The following AGPAT3 variants were observed in gnomAD, a reference collection of about 807,000 sequenced individuals.
AGPAT3 encodes the protein 1-acylglycerol-3-phosphate O-acyltransferase 3.
Under a neutral mutation model 47.3 loss-of-function variants are expected in AGPAT3, and 5 were observed. That is an observed-to-expected ratio of 0.11 (90% CI 0.06 to 0.22). The LOEUF (loss-of-function observed/expected upper bound fraction) is 0.22, where lower values mean the gene tolerates loss of function less well. Ranked by LOEUF, AGPAT3 falls within the 10% of genes least tolerant of loss-of-function variation. The pLI, the probability that AGPAT3 is intolerant of heterozygous loss-of-function variation, is 1.00. For missense variants in AGPAT3, 315 were observed against 493.0 expected (o/e 0.64, Z 3.42); for synonymous variants, 212 against 208.3 (o/e 1.02, Z -0.15).
chr21:43,944,978 G>T (rs535854463), intron 2 of AGPAT3, among the ~76,000 whole-genome samples: 2 of 152,344 alleles, frequency 1.3e-5, no homozygotes, highest in Non-Finnish European at 2.9e-5. Flanking sequence ...AGGGTCCCTC[G>T]GGGTCTACCA....
At chr21:43,907,731 CA>C (rs1220229305) in intron 2 of AGPAT3, among the ~76,000 whole-genome samples, 1 of 152,052 alleles carries the variant, frequency 6.6e-6, no homozygotes. Context: ...ACAACAACAA[CA>C]AAAAAACCGT....
chr21:43,936,371 G>T (rs2087446985), intron 2 of AGPAT3, among the ~76,000 whole-genome samples: 1 of 152,260 alleles, frequency 6.6e-6, no homozygotes, highest in South Asian at 2.1e-4. Flanking sequence ...GGGTGCACCT[G>T]CAGCGTTCGT....
At chr21:43,904,627 G>A (rs1294393123) in intron 2 of AGPAT3, among the ~76,000 whole-genome samples, 3 of 152,194 alleles carry the variant, frequency 2.0e-5, no homozygotes, top group African/African-American at 4.8e-5. Flanking sequence ...TTGCCTGGCC[G>A]TTGAGTCACT....
chr21:43,972,905 G>A (rs770049418), intron 7 of AGPAT3, among the ~76,000 whole-genome samples: 2 of 152,198 alleles, frequency 1.3e-5, no homozygotes, highest in African/African-American at 2.4e-5. Context: ...TGCACAGAGC[G>A]GTCACTATAT....
intron 7 of AGPAT3, among the ~76,000 whole-genome samples, chr21:43,975,723 GT>G (rs1040744402): frequency 5.3e-5 from 8 of 152,106 alleles, no homozygotes; most frequent in Admixed American, 1.3e-4. Flanking sequence ...TTAATTTTGG[GT>G]TTTTTTTGTT....
chr21:43,947,788 C>T (rs546432449), intron 2 of AGPAT3, among the ~76,000 whole-genome samples: 3 of 150,956 alleles, frequency 2.0e-5, no homozygotes, highest in Admixed American at 6.6e-5. Context: ...GGATTATAGG[C>T]GCCTGCCACC....
chr21:43,961,527 T>C (rs2088847882), intron 3 of AGPAT3, among the ~76,000 whole-genome samples: 1 of 121,268 alleles, frequency 8.2e-6, no homozygotes, highest in Non-Finnish European at 1.8e-5. Context: ...TGGGAAACGG[T>C]GAGCGCGTAT....
intron 3 of AGPAT3, among the ~76,000 whole-genome samples, chr21:43,962,895 C>CCCACTGTGCCCCGAGAT (rs1049477011): frequency 4.1e-4 from 62 of 152,132 alleles, no homozygotes; most frequent in African/African-American, 1.5e-3. Flanking sequence ...CTGAAGATGA[C>CCCACTGTGCCCCGAGAT]CCACTGTGCC....
chr21:43,875,026 G>C (rs2085703388), intron 1 of AGPAT3, among the ~76,000 whole-genome samples: 1 of 152,136 alleles, frequency 6.6e-6, no homozygotes, highest in South Asian at 2.1e-4. Context: ...AGTCGCCCAA[G>C]CTGGAGTGCA....
At position 43,930,262 on chromosome 21, in the gene AGPAT3, G is replaced by A. The variant is rs1208407330; in HGVS notation, c.-49+26243G>A. Among the ~76,000 whole-genome samples the A allele has an allele frequency of 6.6e-6, 1 of 152,148 alleles. No individual in the cohort carries two copies. Among genetic ancestry groups the A allele is most frequent in the African/African-American group, 2.4e-5 (1 of 41,438 alleles). On this transcript the variant is annotated intron_variant, in intron 2 of 9. Coordinates refer to ENST00000291572, the MANE Select transcript of AGPAT3 (RefSeq NM_020132.5). The surrounding 1 kb of genome is among the most constrained non-coding windows in gnomAD (Gnocchi z 5.0). ...CAGGGCAGAGACGCCGCACGGTGGG[G>A]TAGGGGGCTCTGGTGCCAATACCAA...
Position 43,970,903 on chromosome 21 carries a change from C to A in AGPAT3, c.664+97C>A. 1 of 1,326,312 alleles carries A rather than the reference C, an allele frequency of 7.5e-7. No individual in the cohort carries two copies. Among genetic ancestry groups the A allele is most frequent in the Non-Finnish European group, 9.8e-7 (1 of 1,019,882 alleles). The allele number at this position is 1,326,312 out of a possible 1,614,324, so 82.2% of individuals were successfully genotyped here. ...AAAAATGAGTGCATTCCATGTGAAACACAGAAGAACAGAAGTGCAAAAGGA... is the reference window on the plus strand; with the variant it reads ...AAAAATGAGTGCATTCCATGTGAAAAACAGAAGAACAGAAGTGCAAAAGGA... On this transcript the variant is annotated intron_variant, in intron 6 of 9. Transcript: ENST00000291572. The surrounding 1 kb of genome is among the most constrained non-coding windows in gnomAD (Gnocchi z 5.8).
intron 1 of AGPAT3, among the ~76,000 whole-genome samples, chr21:43,874,232 G>T (rs371127975): frequency 6.6e-6 from 1 of 152,006 alleles, no homozygotes; most frequent in African/African-American, 2.4e-5. Context: ...CACCATGTTG[G>T]CCAGGCTGGT....
In AGPAT3 at chr21:43,908,557, G is replaced by A. The variant is rs77506810; in HGVS notation, c.-49+4538G>A. On this transcript the variant is annotated intron_variant, in intron 2 of 9. Transcript: ENST00000291572. This position sits in a 1 kb window ranked among gnomAD's most constrained non-coding sequence, Gnocchi z 4.9. ...CAGCTCTTGCATAGACAGAAGGTGA[G>A]GGCATGGGGTAGGGGGAGTGGAGCC... 8.9e-3 allele frequency among the ~76,000 whole-genome samples: 1,353 copies of A among 152,310 alleles called. 25 individuals carry two copies. The highest frequency in any genetic ancestry group is 0.031 in the African/African-American group (1,274 of 41,554).
At chr21:43,975,887 C>A (rs897038999) in intron 7 of AGPAT3, among the ~76,000 whole-genome samples, 1 of 152,082 alleles carries the variant, frequency 6.6e-6, no homozygotes, top group Non-Finnish European at 1.5e-5. Flanking sequence ...GATTCTCTGA[C>A]GGCCGTCGCA....
At chr21:43,978,182 C>A in intron 8 of AGPAT3, 61 bp downstream of exon 8, 2 of 1,498,060 alleles carry the variant, frequency 1.3e-6, no homozygotes, top group Non-Finnish European at 1.8e-6. Flanking sequence ...GGAAGGGGTG[C>A]TGGCGAGCAG....
chr21:43,882,914 G>A (rs948536729), intron 1 of AGPAT3, among the ~76,000 whole-genome samples: 2 of 152,188 alleles, frequency 1.3e-5, no homozygotes, highest in Non-Finnish European at 2.9e-5. Context: ...TGTCATAGCC[G>A]CTCACTTGTC....
At chr21:43,943,483 G>A (rs546903746) in intron 2 of AGPAT3, among the ~76,000 whole-genome samples, 1 of 152,308 alleles carries the variant, frequency 6.6e-6, no homozygotes, top group East Asian at 1.9e-4. Context: ...AGCCCTGCAC[G>A]CACAGTGGTG....
intron 1 of AGPAT3, among the ~76,000 whole-genome samples, chr21:43,872,371 G>C (rs1056269483): frequency 6.6e-6 from 1 of 152,082 alleles, no homozygotes; most frequent in Non-Finnish European, 1.5e-5. Flanking sequence ...AGTAGAGACA[G>C]GGTTTCACCA....
intron 2 of AGPAT3, among the ~76,000 whole-genome samples, chr21:43,957,820 C>A (rs1231883462): frequency 1.3e-5 from 2 of 151,734 alleles, no homozygotes; most frequent in Non-Finnish European, 2.9e-5. Flanking sequence ...ACACTGGGGT[C>A]TCGGGTTTCC....
Sources: allele counts gnomAD v4.1 joint callset (sites outside exome capture counted in the v4.1 genomes callset), GRCh38; gene constraint gnomAD v4.1.1; non-coding constraint Gnocchi (gnomAD v3.1); transcripts MANE v1.5; gene names NCBI Gene and HGNC (gene_info 2026-07-23, HGNC 2026-07-21).